The following RALGAPA1 variants were observed in gnomAD, a reference collection of about 807,000 sequenced individuals.
RALGAPA1 encodes Ral GTPase activating protein catalytic subunit alpha 1.
Under a neutral mutation model 269.6 loss-of-function variants are expected in RALGAPA1, and 52 were observed. The observed-to-expected ratio is 0.19, with a 90% CI of 0.15 to 0.24. The LOEUF is 0.24. Among genes scored for constraint, RALGAPA1 ranks in the 10% least tolerant of loss-of-function variants. The probability of loss-of-function intolerance (pLI) is 1.00; values close to 1 mark genes in which losing one functional copy is unlikely to be tolerated. For missense variants in RALGAPA1, 1,917 were observed against 3,013.9 expected, an observed-to-expected ratio of 0.64 and a Z score of 8.52; for synonymous variants, 817 against 1,008.3, an observed-to-expected ratio of 0.81 and a Z score of 3.60.
At chr14:35,554,931 T>C (rs957945917) in intron 39 of RALGAPA1, among the ~76,000 whole-genome samples, 3 of 152,208 alleles carry the variant, frequency 2.0e-5, no homozygotes, top group Non-Finnish European at 4.4e-5. Flanking sequence ...GTTGGTTTGA[T>C]AGTAGATTAG....
rs144510107 is a variant in RALGAPA1 at position 35,550,042 on chromosome 14, C to T, written c.7497-808G>A. On this transcript the variant is annotated intron_variant, in intron 39 of 41. Transcript: ENST00000680220. ...TTGACAAGCAACCAGTACCTTGAAG[C>T]GTTGTTGCTTTTGAACAACCCACTC... 2.1e-4 allele frequency among the ~76,000 whole-genome samples: 32 copies of T among 152,314 alleles called. No individual in the cohort carries two copies. The East Asian group carries it at 5.2e-3, about 25-fold the overall frequency.
chr14:35,743,077 T>C (rs1430751069), intron 10 of RALGAPA1, among the ~76,000 whole-genome samples: 1 of 151,940 alleles, frequency 6.6e-6, no homozygotes, highest in East Asian at 1.9e-4. Flanking sequence ...AGTTTTGGGA[T>C]ATGGGAAGAA....
Position 35,748,754 on chromosome 14 carries a change from G to C in RALGAPA1, c.1082C>G (p.Thr361Arg). The C allele has an allele frequency of 6.2e-7, 1 of 1,610,278 alleles. No individual in the cohort carries two copies. ...NDNADKTDRT[T>R]EPEQSHSNTS... ...ATTGGAATGAGACTGTTCGGGTTCT[G>C]TAGTTCTGTCTGTTTTATCAGCATT... The change falls in exon 10 of 42, where the codon ACA (threonine) becomes AGA (arginine). Residue 361 changes from threonine to arginine, a missense_variant. Coordinates refer to ENST00000680220, the MANE Select transcript of RALGAPA1 (RefSeq NM_001346249.2).
chr14:35,566,737 C>A (rs1487328583), intron 39 of RALGAPA1, among the ~76,000 whole-genome samples: 1 of 151,380 alleles, frequency 6.6e-6, no homozygotes, highest in Non-Finnish European at 1.5e-5. Context: ...GACAGATGTA[C>A]CTGTATTTCA....
intron 10 of RALGAPA1, among the ~76,000 whole-genome samples, chr14:35,746,759 G>A (rs4981302): frequency 0.35 from 53,183 of 151,794 alleles, 12,810 homozygotes; most frequent in African/African-American, 0.67. Context: ...TTACTTGATA[G>A]TAATATATAT....
chr14:35,700,097 A>C, intron 17 of RALGAPA1, 65 bp downstream of exon 17: 1 of 1,417,758 alleles, frequency 7.1e-7, no homozygotes, highest in Non-Finnish European at 9.3e-7. Flanking sequence ...TGATTAAGCA[A>C]AATTTGAAAG....
At chr14:35,771,949 C>A (rs989740359) in intron 3 of RALGAPA1, among the ~76,000 whole-genome samples, 9 of 152,100 alleles carry the variant, frequency 5.9e-5, no homozygotes, top group African/African-American at 2.2e-4. Flanking sequence ...TCTTGATAAT[C>A]CTAGAGAAAG....
intron 35 of RALGAPA1, among the ~76,000 whole-genome samples, chr14:35,616,172 T>TTCTAAACATAAATATGACCATCC (rs1376094031): frequency 1.3e-5 from 2 of 152,134 alleles, no homozygotes; most frequent in Admixed American, 1.3e-4. Flanking sequence ...GAAAGGGTAC[T>TTCTAAACATAAATATGACCATCC]TCTAAACATA....
intron 1 of RALGAPA1, among the ~76,000 whole-genome samples, chr14:35,792,719 G>A (rs1455900590): frequency 6.7e-6 from 1 of 148,928 alleles, no homozygotes; most frequent in Non-Finnish European, 1.5e-5. Context: ...GCAAGTAGAG[G>A]TTGCAGTGAG....
At chr14:35,585,734 T>G (rs1296898642) in intron 37 of RALGAPA1, among the ~76,000 whole-genome samples, 2 of 152,204 alleles carry the variant, frequency 1.3e-5, no homozygotes, top group African/African-American at 4.8e-5. Flanking sequence ...CTTGTTTTTG[T>G]CAGGTGTGTC....
At chr14:35,677,625 T>A in intron 22 of RALGAPA1, 1 of 250,572 alleles carries the variant, frequency 4.0e-6, no homozygotes, top group Non-Finnish European at 7.5e-6. Flanking sequence ...TCTTTAGGTA[T>A]AAAACTAAGA....
chr14:35,622,404 AC>A (rs1459718920), intron 35 of RALGAPA1, among the ~76,000 whole-genome samples: 2 of 152,202 alleles, frequency 1.3e-5, no homozygotes, highest in African/African-American at 2.4e-5. Context: ...TAGGAGAAAT[AC>A]CTAATGTAAA....
chr14:35,707,594 G>GA (rs1356403197), intron 16 of RALGAPA1: 4 of 152,182 alleles, frequency 2.6e-5, no homozygotes, highest in African/African-American at 9.6e-5. Flanking sequence ...CTGTGGATGA[G>GA]ATGAATTGCA....
At position 35,572,670 on chromosome 14, in the gene RALGAPA1, T is replaced by A; in HGVS notation, c.7258A>T (p.Thr2420Ser). 1 of 1,609,818 alleles carries A rather than the reference T, an allele frequency of 6.2e-7. No individual in the cohort carries two copies. Among genetic ancestry groups the A allele is most frequent in the Admixed American group, 1.7e-5 (1 of 59,598 alleles). Residue 2420 changes from threonine to serine, a missense_variant, in exon 38 of 42, where the codon ACT becomes TCT. Thr to Ser is a moderately conservative substitution (Grantham distance 58). Around this residue, in one of 11 missense-constraint regions of RALGAPA1, gnomAD observed 6 missense variants for 35.2 expected, o/e 0.17. Coordinates refer to ENST00000680220, the MANE Select transcript of RALGAPA1 (RefSeq NM_001346249.2). ...DEVHIVWSEH[T>S]RDYRRGIIPT... ...ATAATTCCTCTCCTGTAGTCTCTAG[T>A]ATGCTCTGACCAAACAATGTGCACT... is the stretch of plus-strand genomic sequence containing the variant.
At chr14:35,577,046 T>G (rs2057611395) in intron 37 of RALGAPA1, among the ~76,000 whole-genome samples, 1 of 152,154 alleles carries the variant, frequency 6.6e-6, no homozygotes, top group Non-Finnish European at 1.5e-5. Flanking sequence ...ACAAATTAAG[T>G]TATTTTGATG....
chr14:35,655,710 C>A, intron 29 of RALGAPA1, 97 bp downstream of exon 29: 30 of 1,436,368 alleles, frequency 2.1e-5, no homozygotes, highest in East Asian at 1.3e-4. Context: ...GTAATGAAAA[C>A]ATTTACTAAA....
At chr14:35,574,229 C>T (rs1010799231) in intron 37 of RALGAPA1, among the ~76,000 whole-genome samples, 1 of 152,092 alleles carries the variant, frequency 6.6e-6, no homozygotes, top group Non-Finnish European at 1.5e-5. Context: ...CAGAAAATTC[C>T]TTTTATTTAT....
In RALGAPA1 at chr14:35,566,596, T is replaced by TA. The variant is rs1386273142; in HGVS notation, c.7496+4020dup. 2.0e-4 allele frequency among the ~76,000 whole-genome samples: 30 copies of TA among 152,040 alleles called. 1 individual carries two copies. The highest frequency in any genetic ancestry group is 4.4e-5 in the Non-Finnish European group (3 of 67,954). ...TCTCAATTTCTGTTGTAATTTATGT[T>TA]AACTAAATTGTTGACCAATTTTAAA... On this transcript the variant is annotated intron_variant, in intron 39 of 41. Transcript: ENST00000680220.
rs755055092 is a variant in RALGAPA1, at chr14:35,738,668, G to C, written c.1450-18C>G. On this transcript the variant is annotated intron_variant, in intron 11 of 41. Coordinates refer to ENST00000680220, the MANE Select transcript of RALGAPA1 (RefSeq NM_001346249.2). ...CCATTTTCCTGAAGCAAAATATCAA[G>C]TTTTTAATATTTCATTACTAAGAAT... 1 of 1,593,822 alleles carries C rather than the reference G, an allele frequency of 6.3e-7. No individual in the cohort carries two copies. Among genetic ancestry groups the C allele is most frequent in the Admixed American group, 1.8e-5 (1 of 55,578 alleles).
Sources: gnomAD v4.1 joint callset for allele counts (sites outside exome capture counted in the v4.1 genomes callset) on GRCh38, gnomAD v4.1.1 for gene constraint, gnomAD v4.1.1 regional missense constraint, MANE v1.5 for transcripts, NCBI Gene and HGNC (gene_info 2026-07-23, HGNC 2026-07-21) for gene names.